The following DOCK2 variants were observed in gnomAD, a reference collection of about 807,000 sequenced individuals.
The protein encoded by DOCK2 is dedicator of cytokinesis 2.
A neutral mutation model predicts 248.9 loss-of-function variants in DOCK2; 87 were observed. That is an observed-to-expected ratio of 0.35 (90% CI 0.29 to 0.42). The LOEUF (loss-of-function observed/expected upper bound fraction) is 0.42, where lower values mean the gene tolerates loss of function less well. Among genes scored for constraint, DOCK2 ranks in the 10% least tolerant of loss-of-function variants. DOCK2 has a pLI of 1.00. For synonymous variants in DOCK2, 805 were observed against 821.6 expected (o/e 0.98, Z 0.35); for missense variants, 1,747 against 2,300.2 (o/e 0.76, Z 4.92).
chr5:169,902,965 GCA>G (rs1774016561), intron 27 of DOCK2, among the ~76,000 whole-genome samples: 1 of 152,102 alleles, frequency 6.6e-6, no homozygotes, highest in Non-Finnish European at 1.5e-5. Context: ...GGGTGTGGTG[GCA>G]CATGCCTGTA....
chr5:169,783,296 G>C (rs1246368627), intron 25 of DOCK2, among the ~76,000 whole-genome samples: 2 of 152,178 alleles, frequency 1.3e-5, no homozygotes, highest in African/African-American at 4.8e-5. Flanking sequence ...AATGTACAAA[G>C]AGTGTTTGTT....
chr5:169,725,719 ATTGT>A (rs1762435592), intron 22 of DOCK2, among the ~76,000 whole-genome samples: 1 of 145,574 alleles, frequency 6.9e-6, no homozygotes, highest in South Asian at 2.1e-4. Flanking sequence ...ATGTGTTCTC[ATTGT>A]TCACCTCTCA....
At chr5:170,022,245 G>A (rs181802925) in intron 33 of DOCK2, among the ~76,000 whole-genome samples, 3 of 152,316 alleles carry the variant, frequency 2.0e-5, no homozygotes, top group East Asian at 1.9e-4. Context: ...TGGTTCATCT[G>A]GGTACAAGAG....
intron 22 of DOCK2, among the ~76,000 whole-genome samples, chr5:169,726,658 T>C (rs1762491330): frequency 6.6e-6 from 1 of 152,232 alleles, no homozygotes; most frequent in African/African-American, 2.4e-5. Context: ...TATTATGTGC[T>C]AGGCACTTTG....
intron 22 of DOCK2, among the ~76,000 whole-genome samples, chr5:169,733,539 A>T (rs1004885267): frequency 4.0e-5 from 6 of 151,760 alleles, no homozygotes; most frequent in African/African-American, 1.2e-4. Context: ...AACCACAATT[A>T]AAAAAAAGCT....
chr5:170,056,807 A>C (rs768345039), intron 43 of DOCK2, 39 bp downstream of exon 43: 7 of 1,568,182 alleles, frequency 4.5e-6, no homozygotes, highest in Non-Finnish European at 6.1e-6. Flanking sequence ...CCCTGGAGCC[A>C]CCTGGAGGAA....
At chr5:170,074,758 A>G (rs762641632) in intron 46 of DOCK2, among the ~76,000 whole-genome samples, 2 of 152,148 alleles carry the variant, frequency 1.3e-5, no homozygotes, top group Non-Finnish European at 2.9e-5. Flanking sequence ...TCTTGGGAAA[A>G]TGGGAAAAAA....
At chr5:169,979,624 G>GA (rs925984750) in intron 27 of DOCK2, among the ~76,000 whole-genome samples, 11 of 151,728 alleles carry the variant, frequency 7.2e-5, no homozygotes, top group African/African-American at 2.7e-4. Context: ...CACCATAGCA[G>GA]AAAAAAAAGA....
At chr5:169,988,784 A>G (rs1243660027) in intron 29 of DOCK2, among the ~76,000 whole-genome samples, 1 of 152,134 alleles carries the variant, frequency 6.6e-6, no homozygotes, top group African/African-American at 2.4e-5. Flanking sequence ...AGTAATCTCC[A>G]TATTATTAAG....
At chr5:170,005,672 G>A (rs1038749037) in intron 30 of DOCK2, among the ~76,000 whole-genome samples, 10 of 152,040 alleles carry the variant, frequency 6.6e-5, no homozygotes, top group African/African-American at 2.4e-4. Flanking sequence ...TGAACCCCTT[G>A]TGAATATACT....
At chr5:169,740,294 T>A (rs1466576090) in intron 22 of DOCK2, among the ~76,000 whole-genome samples, 1 of 152,240 alleles carries the variant, frequency 6.6e-6, no homozygotes, top group Non-Finnish European at 1.5e-5. Flanking sequence ...TAACTTCTTT[T>A]TTTTTTATTT....
At chr5:170,027,619 G>T (rs933170629) in intron 33 of DOCK2, among the ~76,000 whole-genome samples, 3 of 152,022 alleles carry the variant, frequency 2.0e-5, no homozygotes, top group African/African-American at 4.8e-5. Context: ...TCCTGCACTC[G>T]CGCTCTCTCG....
intron 41 of DOCK2, 116 bp downstream of exon 41, chr5:170,050,513 G>A (rs371197243): frequency 8.1e-5 from 102 of 1,263,240 alleles, no homozygotes; most frequent in Non-Finnish European, 8.5e-5. Flanking sequence ...TTGCAGTGGC[G>A]CCATGTTGCA....
intron 30 of DOCK2, among the ~76,000 whole-genome samples, chr5:170,007,164 A>T (rs1755063564): frequency 6.6e-6 from 1 of 152,248 alleles, no homozygotes; most frequent in Admixed American, 6.5e-5. Context: ...AGTCTTGGCC[A>T]TCTGCAAACA....
chr5:169,758,054 A>G (rs114536270), intron 23 of DOCK2, among the ~76,000 whole-genome samples: 1,856 of 145,916 alleles, frequency 0.013, 35 homozygotes, highest in African/African-American at 0.047. Context: ...TTACAGATAT[A>G]CAAACAGTAT....
chr5:169,973,080 A>T (rs926103416), intron 27 of DOCK2, among the ~76,000 whole-genome samples: 1 of 152,186 alleles, frequency 6.6e-6, no homozygotes, highest in African/African-American at 2.4e-5. Flanking sequence ...TTCACTCCTC[A>T]AGAAGGAAAA....
rs1035467929 is a variant in DOCK2, at chr5:169,702,433, G to T, written c.1383+6G>T. On this transcript the variant is annotated splice_donor_region_variant and intron_variant, in intron 14 of 51. Transcript: ENST00000520908. The stretch of plus-strand genomic sequence containing the variant: ...AGGATGGCAAAACGCTGCCTGTAAG[G>T]GACTCACTGCTGCTCTGGGTGACAG... The T allele has an allele frequency of 6.2e-7, 1 of 1,613,352 alleles. No individual in the cohort carries two copies. Among genetic ancestry groups the T allele is most frequent in the Non-Finnish European group, 8.5e-7 (1 of 1,179,654 alleles).
chr5:169,974,393 T>C (rs1358907145), intron 27 of DOCK2, among the ~76,000 whole-genome samples: 1 of 152,236 alleles, frequency 6.6e-6, no homozygotes, highest in Non-Finnish European at 1.5e-5. Context: ...TTTTCTTCCT[T>C]TGTTATGGCC....
chr5:169,966,014 C>G (rs1385900251), intron 27 of DOCK2, among the ~76,000 whole-genome samples: 1 of 152,178 alleles, frequency 6.6e-6, no homozygotes, highest in Non-Finnish European at 1.5e-5. Flanking sequence ...TAGGATGAAC[C>G]AGGGAAAAAT....
Sources: allele counts gnomAD v4.1 joint callset (sites outside exome capture counted in the v4.1 genomes callset), GRCh38; gene constraint gnomAD v4.1.1; transcripts MANE v1.5; gene names NCBI Gene and HGNC (gene_info 2026-07-23, HGNC 2026-07-21).